Variants in C22orf23 observed in about 807,000 individuals in gnomAD.
C22orf23 encodes the protein chromosome 22 open reading frame 23, also known as UPF0193 protein EVG1.
Under a neutral mutation model 29.7 loss-of-function variants are expected in C22orf23, and 30 were observed. The ratio of observed to expected loss-of-function variants is 1.01; its 90% CI spans 0.76 to 1.37. C22orf23 has a LOEUF of 1.37. Ranked by LOEUF, C22orf23 falls within the 40% of genes most tolerant of loss-of-function variation. C22orf23 has a pLI of 0.00. For synonymous variants in C22orf23, 90 were observed against 96.1 expected, an observed-to-expected ratio of 0.94 and a Z score of 0.37; for missense variants, 237 against 273.1, an observed-to-expected ratio of 0.87 and a Z score of 0.93.
intron 2 of C22orf23, chr22:37,952,751 T>C: frequency 3.0e-6 from 1 of 330,304 alleles, no homozygotes; most frequent in Admixed American, 4.7e-5. Flanking sequence ...CCCTGGCCTG[T>C]TAGGAACCGG....
chr22:37,944,333 A>C, intron 6 of C22orf23, 84 bp downstream of exon 6: 1 of 1,613,366 alleles, frequency 6.2e-7, no homozygotes, highest in Non-Finnish European at 8.5e-7. Flanking sequence ...TGACCCCTGA[A>C]CCCTGCCACA....
intron 3 of C22orf23, among the ~76,000 whole-genome samples, chr22:37,948,093 C>G (rs1010525916): frequency 1.3e-5 from 2 of 150,064 alleles, no homozygotes; most frequent in African/African-American, 4.9e-5. Context: ...GGCGACAGAG[C>G]GAGACTTCGT....
chr22:37,945,087 C>A lies in C22orf23; in HGVS notation c.436G>T (p.Ala146Ser). The A allele has an allele frequency of 6.2e-7, 1 of 1,613,556 alleles. No individual in the cohort carries two copies. Residue 146 changes from alanine (A) to serine (S), a missense_variant, in exon 5 of 7, where the codon GCA becomes TCA. By Grantham distance (99) the Ala-to-Ser change is moderately conservative. Transcript: ENST00000403305. ...TCAGGGGCTGGAGCCTTCTGTCGTG[C>A]AGGAGGGGCCTTTCTTTTCCGTTCC... ...MEERKRKAPP[A>S]RQKAPAPELD... is the part of the protein sequence containing the mutation.
chr22:37,945,018 A>G (rs2145689291), intron 5 of C22orf23, 24 bp downstream of exon 5: 1 of 1,574,440 alleles, frequency 6.4e-7, no homozygotes, highest in East Asian at 2.3e-5. Context: ...CACCCCCAGC[A>G]TGACTGGTCC....
At chr22:37,944,577 C>A in intron 5 of C22orf23, 60 bp from the exon 6 acceptor site, 1 of 1,428,400 alleles carries the variant, frequency 7.0e-7, no homozygotes, top group Non-Finnish European at 9.8e-7. Context: ...GGTTGCCTCT[C>A]TTGAGGAGAG....
chr22:37,952,893 C>A, intron 2 of C22orf23, 154 bp downstream of exon 2: 1 of 639,040 alleles, frequency 1.6e-6, no homozygotes, highest in Non-Finnish European at 2.8e-6. Context: ...AGGTTGCACG[C>A]TCCTTATGAG....
At position 37,945,045 on chromosome 22, in the gene C22orf23, C is replaced by T. The variant is rs1328764619; in HGVS notation, c.478G>A (p.Glu160Lys). 1 of 1,605,902 alleles carries T rather than the reference C, an allele frequency of 6.2e-7. No individual in the cohort carries two copies. Among genetic ancestry groups the T allele is most frequent in the Non-Finnish European group, 8.5e-7 (1 of 1,177,254 alleles). The change falls in exon 5 of 7, where the codon GAG becomes AAG. Residue 160 changes from glutamate (E) to lysine (K), a missense_variant. Coordinates refer to ENST00000403305, the MANE Select transcript of C22orf23 (RefSeq NM_032561.5). ...APAPELDRFE[E>K]LVKEIQERKE... The stretch of plus-strand genomic sequence containing the variant: ...GACTGGTCCGTCGGAGTCTTACGCT[C>T]TTCAAATCGGTCTAGCTCAGGGGCT...
intron 3 of C22orf23, among the ~76,000 whole-genome samples, chr22:37,950,626 G>T (rs1930955861): frequency 6.6e-6 from 1 of 151,920 alleles, no homozygotes; most frequent in South Asian, 2.1e-4. Flanking sequence ...AATTTTGGGG[G>T]CTGGGTGCAG....
intron 2 of C22orf23, 100 bp downstream of exon 2, chr22:37,952,947 C>T: frequency 1.2e-6 from 1 of 841,574 alleles, no homozygotes; most frequent in Non-Finnish European, 2.0e-6. Flanking sequence ...CAGTTTCATC[C>T]CGAAACCATT....
intron 5 of C22orf23, 77 bp downstream of exon 5, chr22:37,944,965 T>A: frequency 6.8e-7 from 1 of 1,467,272 alleles, no homozygotes; most frequent in South Asian, 1.4e-5. Flanking sequence ...AGGGATCCCC[T>A]GACTGCTCCA....
At chr22:37,951,242 T>G in intron 3 of C22orf23, 3 of 478,060 alleles carry the variant, frequency 6.3e-6, no homozygotes, top group East Asian at 3.4e-5. Context: ...GGAGATGAGG[T>G]CTTGTGGCTT....
intron 2 of C22orf23, 78 bp from the exon 3 acceptor site, chr22:37,951,600 A>G: frequency 2.4e-6 from 3 of 1,265,536 alleles, no homozygotes; most frequent in Non-Finnish European, 3.5e-6. Context: ...GAAATTTAAA[A>G]CCCTACATCC....
In C22orf23 at chr22:37,943,716, A is replaced by G. The variant is rs1181417093; in HGVS notation, c.*459T>C. The G allele has an allele frequency of 5.6e-6, 1 of 177,180 alleles. No homozygotes were observed. The highest frequency in any genetic ancestry group is 2.4e-5 in the African/African-American group (1 of 42,326). The allele number at this position is 177,180 out of a possible 1,614,324, so 11.0% of individuals were successfully genotyped here. A position where few individuals can be genotyped will look rare whatever the true frequency, so the allele number is the denominator to read the frequency against. On this transcript the variant is annotated 3_prime_UTR_variant, in exon 7 of 7. Coordinates refer to ENST00000403305, the MANE Select transcript of C22orf23 (RefSeq NM_032561.5). ...ATAAGCTTATCCCTCTGAAAACAAA[A>G]TGGTGCTTGTAATGACCCACGTTAA... is the stretch of plus-strand genomic sequence containing the variant.
rs1362013140 is a variant in C22orf23, at chr22:37,944,144, T to C, written c.*31A>G. 1 of 1,602,464 alleles carries C rather than the reference T, an allele frequency of 6.2e-7. No individual in the cohort carries two copies. Among genetic ancestry groups the C allele is most frequent in the African/African-American group, 1.3e-5 (1 of 74,790 alleles). ...GAGGAGTGGACTCCAGTGGTCGAGC[T>C]TGGGCTACCCTGCCCGTCTCTGGAG... is the stretch of plus-strand genomic sequence containing the variant. On this transcript the variant is annotated 3_prime_UTR_variant, in exon 7 of 7. Transcript: ENST00000403305.
intron 2 of C22orf23, 22 bp from the exon 3 acceptor site, chr22:37,951,544 G>A (rs1931011247): frequency 1.2e-6 from 2 of 1,612,290 alleles, no homozygotes; most frequent in African/African-American, 1.3e-5. Context: ...AGCATTCTAT[G>A]AGGCCTCTTG....
At position 37,943,086 on chromosome 22, in the gene C22orf23, G is replaced by A. The variant is rs557829514; in HGVS notation, c.*1089C>T. 2 of 152,110 alleles carry A rather than the reference G, an allele frequency of 1.3e-5. No individual in the cohort carries two copies. The highest frequency in any genetic ancestry group is 2.4e-5 in the African/African-American group (1 of 41,498). 9.4% of individuals were successfully genotyped at this position (152,110 alleles called of 1,614,324 possible). On this transcript the variant is annotated 3_prime_UTR_variant, in exon 7 of 7. Coordinates refer to ENST00000403305, the MANE Select transcript of C22orf23 (RefSeq NM_032561.5). ...CGAAACTTGGGTCATGTGACCTGAT[G>A]GGATTATGGGACTCCCTCCAGGTGC...
chr22:37,946,387 CTG>C (rs970445240), intron 4 of C22orf23, among the ~76,000 whole-genome samples: 16 of 151,972 alleles, frequency 1.1e-4, no homozygotes, highest in African/African-American at 3.4e-4. Flanking sequence ...GATCGTGCCA[CTG>C]TACTCCAGCC....
At chr22:37,953,610 G>T (rs1170102577), upstream of C22orf23, 5 of 700,414 alleles carry the variant, frequency 7.1e-6, no homozygotes, top group Middle Eastern at 4.0e-4. Context: ...ATAGAAACGC[G>T]CACACACCAG....
At chr22:37,945,738 C>G (rs1322664578) in intron 4 of C22orf23, among the ~76,000 whole-genome samples, 1 of 146,724 alleles carries the variant, frequency 6.8e-6, no homozygotes, top group Non-Finnish European at 1.5e-5. Flanking sequence ...CTCAAACGAT[C>G]TGCCAGCCTC....
Sources: gnomAD v4.1 joint callset for allele counts (sites outside exome capture counted in the v4.1 genomes callset) on GRCh38, gnomAD v4.1.1 for gene constraint, MANE v1.5 for transcripts, NCBI Gene and HGNC (gene_info 2026-07-23, HGNC 2026-07-21) for gene names.